Variants in MRC1 observed in about 807,000 individuals in gnomAD.
MRC1 encodes mannose receptor C-type 1.
MRC1 carries 62 observed loss-of-function variants against 102.9 expected under a neutral mutation model. That is an observed-to-expected ratio of 0.60 (90% CI 0.49 to 0.74). The LOEUF is 0.74. Among genes scored for constraint, MRC1 ranks in the 30% least tolerant of loss-of-function variants. The pLI is 0.00. For missense variants in MRC1, 1,237 were observed against 862.8 expected, an observed-to-expected ratio of 1.43 and a Z score of -5.43; for synonymous variants, 457 against 298.4, an observed-to-expected ratio of 1.53 and a Z score of -5.48.
intron 6 of MRC1, among the ~76,000 whole-genome samples, chr10:17,847,645 G>A (rs1192553058): frequency 1.3e-5 from 2 of 152,218 alleles, no homozygotes; most frequent in African/African-American, 4.8e-5. Context: ...CTCTAGGGCT[G>A]TACTCTCTGG....
intron 25 of MRC1, among the ~76,000 whole-genome samples, chr10:17,901,630 G>A (rs1269185376): frequency 1.3e-5 from 2 of 151,942 alleles, no homozygotes; most frequent in South Asian, 2.1e-4. Flanking sequence ...CAGAGGTTGC[G>A]GTGAGACAAG....
At chr10:17,897,905 C>A (rs1167001375) in intron 23 of MRC1, 129 bp from the exon 24 acceptor site, 1 of 744,694 alleles carries the variant, frequency 1.3e-6, no homozygotes, top group Non-Finnish European at 2.5e-6. Flanking sequence ...TAAAATATTT[C>A]TAACAGCTGA....
At position 17,856,293 on chromosome 10, in the gene MRC1, A is replaced by G; in HGVS notation, c.1459A>G (p.Lys487Glu). 3 of 867,096 alleles carry G rather than the reference A, an allele frequency of 3.5e-6. No individual in the cohort carries two copies. In the South Asian group the frequency reaches 4.0e-5, roughly 12 times the overall value. The allele number at this position is 867,096 out of a possible 1,614,324, so 53.7% of individuals were successfully genotyped here. A position where few individuals can be genotyped will look rare whatever the true frequency, so the allele number is the denominator to read the frequency against. ...TGAGTGGCCTCTTGGCTACATCTGC[A>G]AGATGAAATCACGAAGCCAAGGTCC... ...GCEWPLGYIC[K>E]MKSRSQGPEI... The change falls in exon 9 of 30, where the codon AAG becomes GAG. Residue 487 changes from lysine (K) to glutamate (E), a missense_variant. Transcript: ENST00000569591.
chr10:17,841,565 A>C lies in MRC1; in HGVS notation c.916+759A>C, dbSNP rs1041649986. 5.5e-3 allele frequency among the ~76,000 whole-genome samples: 837 copies of C among 152,298 alleles called. 3 individuals are homozygous for C. Among genetic ancestry groups the C allele is most frequent in the Non-Finnish European group, 8.7e-3 (589 of 68,028 alleles). ...GAACTAATTATTTCTACATTGTCAT[A>C]ACATGAAAGTAACAGAATATAAAAT... is the stretch of plus-strand genomic sequence containing the variant. On this transcript the variant is annotated intron_variant, in intron 5 of 29. Coordinates refer to ENST00000569591, the MANE Select transcript of MRC1 (RefSeq NM_002438.4).
At chr10:17,860,541 G>T (rs1455543538) in intron 9 of MRC1, among the ~76,000 whole-genome samples, 1 of 152,178 alleles carries the variant, frequency 6.6e-6, no homozygotes, top group Non-Finnish European at 1.5e-5. Flanking sequence ...GACTCCCAAA[G>T]TGCTGGCGTT....
chr10:17,812,116 C>T (rs1256925471), intron 1 of MRC1, among the ~76,000 whole-genome samples: 1 of 152,178 alleles, frequency 6.6e-6, no homozygotes, highest in Non-Finnish European at 1.5e-5. Flanking sequence ...GAGCATCCCA[C>T]AGCATTAGCA....
intron 1 of MRC1, among the ~76,000 whole-genome samples, chr10:17,814,600 A>G (rs1310967692): frequency 6.6e-6 from 1 of 151,598 alleles, no homozygotes; most frequent in African/African-American, 2.4e-5. Context: ...TATCAACCCC[A>G]AAGAAGATAA....
chr10:17,831,175 G>A (rs918039487), intron 3 of MRC1, among the ~76,000 whole-genome samples: 5 of 150,354 alleles, frequency 3.3e-5, no homozygotes, highest in Non-Finnish European at 7.4e-5. Flanking sequence ...GATTGCAGTC[G>A]TGAGCCATGG....
intron 26 of MRC1, among the ~76,000 whole-genome samples, chr10:17,904,140 T>C (rs1047895166): frequency 4.6e-5 from 7 of 152,346 alleles, no homozygotes; most frequent in African/African-American, 1.7e-4. Context: ...TTTACACAGT[T>C]ATCTTTCAAT....
rs1419044229 is a variant in MRC1 at position 17,863,546 on chromosome 10, C to A, written c.1647C>A (p.Ala549=). The A allele has an allele frequency of 1.3e-6, 1 of 780,688 alleles. No homozygotes were observed. Among genetic ancestry groups the A allele is most frequent in the Non-Finnish European group, 2.4e-6 (1 of 417,952 alleles). 48.4% of individuals were successfully genotyped at this position (780,688 alleles called of 1,614,324 possible). ...CTTCTTTTTAAAGATATGAACAAGC[C>A]TTCCTGACTAGTTTCGTTGGCTTAA... is the stretch of plus-strand genomic sequence containing the variant. ...LTTIEDRYEQ[A]FLTSFVGLRP... is the part of the protein sequence containing the mutation. Residue 549 remains alanine, a synonymous_variant, in exon 11 of 30, where the codon GCC becomes GCA. Coordinates refer to ENST00000569591, the MANE Select transcript of MRC1 (RefSeq NM_002438.4).
chr10:17,850,462 T>A (rs1838898086), intron 7 of MRC1, among the ~76,000 whole-genome samples: 1 of 151,940 alleles, frequency 6.6e-6, no homozygotes, highest in Non-Finnish European at 1.5e-5. Context: ...TTTAAAGAAA[T>A]GTATGTCTCA....
Position 17,877,779 on chromosome 10 carries a change from G to A in MRC1, c.2551-121G>A. 7.7e-6 allele frequency: 6 copies of A among 778,562 alleles called. No individual in the cohort carries two copies. The South Asian group carries it at 8.3e-5, about 11-fold the overall frequency. 48.2% of individuals were successfully genotyped at this position (778,562 alleles called of 1,614,324 possible). On this transcript the variant is annotated intron_variant, in intron 17 of 29. Transcript: ENST00000569591. ...ATAATATAGAATGTACTACATTTCT[G>A]CAGAAATTCCTCTCTAGATAAGGTT...
At chr10:17,823,008 G>T in intron 1 of MRC1, 66 bp from the exon 2 acceptor site, 1 of 769,926 alleles carries the variant, frequency 1.3e-6, no homozygotes, top group Admixed American at 1.8e-5. Context: ...GATCGTCCTT[G>T]TTACATGAAT....
intron 16 of MRC1, among the ~76,000 whole-genome samples, chr10:17,874,387 A>G (rs1833397228): frequency 6.6e-6 from 1 of 152,076 alleles, no homozygotes; most frequent in Admixed American, 6.6e-5. Context: ...CTTGTAGTCA[A>G]ATCTCCCTCC....
chr10:17,884,842 T>C (rs2130697049), intron 21 of MRC1, among the ~76,000 whole-genome samples: 1 of 152,366 alleles, frequency 6.6e-6, no homozygotes, highest in East Asian at 1.9e-4. Flanking sequence ...TTCAGAACTG[T>C]CTGGGTTAAG....
At chr10:17,824,609 A>G (rs1838445694) in intron 2 of MRC1, among the ~76,000 whole-genome samples, 2 of 152,188 alleles carry the variant, frequency 1.3e-5, no homozygotes, top group African/African-American at 4.8e-5. Flanking sequence ...ATATAGGTTT[A>G]GAAGTGATAT....
chr10:17,908,849 G>A (rs1338093356), intron 28 of MRC1, among the ~76,000 whole-genome samples: 8 of 152,292 alleles, frequency 5.3e-5, no homozygotes, highest in African/African-American at 1.4e-4. Context: ...GATTACAGGC[G>A]TGAGCCACCA....
chr10:17,858,929 T>C (rs1250460251), intron 9 of MRC1, among the ~76,000 whole-genome samples: 1 of 152,232 alleles, frequency 6.6e-6, no homozygotes, highest in Non-Finnish European at 1.5e-5. Flanking sequence ...TAGGCGGTTG[T>C]TCAACCTTCT....
rs1554839225 is a variant in MRC1 at position 17,833,670 on chromosome 10, C to G, written c.638-5C>G. 1.3e-6 allele frequency: 1 copy of G among 781,014 alleles called. No individual in the cohort carries two copies. Among genetic ancestry groups the G allele is most frequent in the South Asian group, 1.3e-5 (1 of 74,616 alleles). 48.4% of individuals were successfully genotyped at this position (781,014 alleles called of 1,614,324 possible). ...GAACCAAATTCCATCTGATTTCTTT[C>G]ACAGTTGAGGGCAGTGAAAGCTTAT... is the stretch of plus-strand genomic sequence containing the variant. On this transcript the variant is annotated splice_polypyrimidine_tract_variant and splice_region_variant and intron_variant, in intron 3 of 29. Transcript: ENST00000569591.
Sources: gnomAD v4.1 joint callset for allele counts (sites outside exome capture counted in the v4.1 genomes callset) on GRCh38, gnomAD v4.1.1 for gene constraint, MANE v1.5 for transcripts, NCBI Gene and HGNC (gene_info 2026-07-23, HGNC 2026-07-21) for gene names.